Variants in NXPH1 observed in about 807,000 individuals in gnomAD.
NXPH1 encodes neurexophilin 1.
NXPH1 carries 5 observed loss-of-function variants against 23.7 expected under a neutral mutation model. That is an observed-to-expected ratio of 0.21 (90% CI 0.11 to 0.44). The LOEUF is 0.44. Among genes scored for constraint, NXPH1 ranks in the 20% least tolerant of loss-of-function variants. The pLI, the probability that NXPH1 is intolerant of heterozygous loss-of-function variation, is 0.99. For missense variants in NXPH1, 324 were observed against 321.6 expected (o/e 1.01, Z -0.06); for synonymous variants, 144 against 122.2 (o/e 1.18, Z -1.18).
chr7:8,531,134 T>C (rs1817942947), intron 2 of NXPH1, among the ~76,000 whole-genome samples: 1 of 152,188 alleles, frequency 6.6e-6, no homozygotes, highest in African/African-American at 2.4e-5. Context: ...CAAGTGGAGA[T>C]AATAATATCT....
Position 8,663,146 on chromosome 7 carries a change from G to A in NXPH1, c.55-87862G>A, listed in dbSNP as rs535044656. The stretch of plus-strand genomic sequence containing the variant: ...GCTCTGGGCTTAAAATTGAGATATT[G>A]GAGTCATTTAGTATACATGGAGTCA... On this transcript the variant is annotated intron_variant, in intron 2 of 2. Coordinates refer to ENST00000405863, the MANE Select transcript of NXPH1 (RefSeq NM_152745.3). Among the ~76,000 whole-genome samples the A allele has an allele frequency of 2.0e-5, 3 of 152,056 alleles. No individual in the cohort carries two copies. In the South Asian group the frequency reaches 6.2e-4, roughly 32 times the overall value.
intron 2 of NXPH1, among the ~76,000 whole-genome samples, chr7:8,457,734 C>G (rs966078031): frequency 6.6e-6 from 1 of 152,012 alleles, no homozygotes; most frequent in Non-Finnish European, 1.5e-5. Context: ...GCATACTTAT[C>G]CCTTGCTTCT....
chr7:8,681,873 G>C (rs1025919959), intron 2 of NXPH1, among the ~76,000 whole-genome samples: 1 of 152,138 alleles, frequency 6.6e-6, no homozygotes, highest in Non-Finnish European at 1.5e-5. Flanking sequence ...GTAGAAACTT[G>C]TCCAGCCCAT....
In NXPH1 at chr7:8,473,308, A is replaced by G. The variant is rs74319288; in HGVS notation, c.54+37541A>G. Among the ~76,000 whole-genome samples, 1,205 of 152,242 alleles carry G rather than the reference A, an allele frequency of 7.9e-3. 16 individuals carry two copies. The highest frequency in any genetic ancestry group is 0.027 in the African/African-American group (1,140 of 41,556). ...TGTATTATCTAAGTTAGTTGTTTCAATGCATTACACCCAGGCTATGTTATC... is the reference window on the plus strand; with the variant it reads ...TGTATTATCTAAGTTAGTTGTTTCAGTGCATTACACCCAGGCTATGTTATC... On this transcript the variant is annotated intron_variant, in intron 2 of 2. Transcript: ENST00000405863.
chr7:8,586,858 C>T (rs1468118443), intron 2 of NXPH1, among the ~76,000 whole-genome samples: 1 of 151,892 alleles, frequency 6.6e-6, no homozygotes, highest in Non-Finnish European at 1.5e-5. Flanking sequence ...AATTTTAATG[C>T]ATCAGACTAT....
At chr7:8,443,899 C>T (rs1348293295) in intron 2 of NXPH1, among the ~76,000 whole-genome samples, 1 of 152,128 alleles carries the variant, frequency 6.6e-6, no homozygotes, top group Non-Finnish European at 1.5e-5. Flanking sequence ...CACTCATTCT[C>T]ACACAACGTT....
chr7:8,732,610 G>A (rs76494512), intron 2 of NXPH1, among the ~76,000 whole-genome samples: 1,576 of 152,188 alleles, frequency 0.01, 27 homozygotes, highest in African/African-American at 0.036. Context: ...GTCTGTTTTA[G>A]CAAAGAAATA....
At chr7:8,710,131 A>G (rs548047536) in intron 2 of NXPH1, among the ~76,000 whole-genome samples, 53 of 152,336 alleles carry the variant, frequency 3.5e-4, no homozygotes, top group African/African-American at 1.3e-3. Flanking sequence ...CTTAAGCATC[A>G]GAATTGGTTT....
intron 2 of NXPH1, among the ~76,000 whole-genome samples, chr7:8,728,754 A>G (rs1233293898): frequency 6.6e-6 from 1 of 152,174 alleles, no homozygotes; most frequent in Non-Finnish European, 1.5e-5. Context: ...TATTTTATTG[A>G]GGATTTTTGC....
At chr7:8,569,103 A>G (rs1408058548) in intron 2 of NXPH1, among the ~76,000 whole-genome samples, 2 of 151,884 alleles carry the variant, frequency 1.3e-5, no homozygotes, top group African/African-American at 2.4e-5. Context: ...CATCACATCA[A>G]TCTACTAATT....
chr7:8,713,436 T>C (rs1388715627), intron 2 of NXPH1, among the ~76,000 whole-genome samples: 10 of 152,238 alleles, frequency 6.6e-5, no homozygotes, highest in African/African-American at 2.2e-4. Flanking sequence ...TCTGTCTTTC[T>C]GGATTGCTCC....
intron 2 of NXPH1, among the ~76,000 whole-genome samples, chr7:8,736,112 T>C (rs1780250108): frequency 6.6e-6 from 1 of 152,196 alleles, no homozygotes; most frequent in East Asian, 1.9e-4. Flanking sequence ...GAAGGATTTT[T>C]TGTGTCTCTA....
chr7:8,482,966 A>G (rs1426463279), intron 2 of NXPH1, among the ~76,000 whole-genome samples: 3 of 152,230 alleles, frequency 2.0e-5, no homozygotes, highest in Non-Finnish European at 4.4e-5. Flanking sequence ...TTCTCTAAAT[A>G]CATTACATTT....
intron 2 of NXPH1, among the ~76,000 whole-genome samples, chr7:8,639,790 C>A (rs914380900): frequency 2.0e-5 from 3 of 152,102 alleles, no homozygotes; most frequent in African/African-American, 7.2e-5. Context: ...TCAGGGGTTT[C>A]CACTTTCACT....
chr7:8,512,188 AT>A (rs1181230282), intron 2 of NXPH1, among the ~76,000 whole-genome samples: 4 of 152,120 alleles, frequency 2.6e-5, no homozygotes, highest in Admixed American at 2.6e-4. Flanking sequence ...GAACTTAGCA[AT>A]TTTGCCTGTA....
chr7:8,564,237 C>A lies in NXPH1; in HGVS notation c.54+128470C>A, dbSNP rs79267490. Among the ~76,000 whole-genome samples the A allele has an allele frequency of 5.5e-3, 831 of 151,836 alleles. 8 individuals carry two copies. The highest frequency in any genetic ancestry group is 0.019 in the African/African-American group (789 of 41,474). ...TGTTTGCCATCCTAGCCTCCTATAG[C>A]AAAACAGATTCAAGCCAATTGCAAA... On this transcript the variant is annotated intron_variant, in intron 2 of 2. Coordinates refer to ENST00000405863, the MANE Select transcript of NXPH1 (RefSeq NM_152745.3).
intron 2 of NXPH1, among the ~76,000 whole-genome samples, chr7:8,530,371 T>C (rs1162878286): frequency 1.3e-5 from 2 of 152,194 alleles, no homozygotes; most frequent in East Asian, 3.9e-4. Flanking sequence ...AAAATCTAGA[T>C]TGGTTCTAGG....
chr7:8,688,669 G>A (rs1418389485), intron 2 of NXPH1, among the ~76,000 whole-genome samples: 2 of 152,198 alleles, frequency 1.3e-5, no homozygotes, highest in African/African-American at 2.4e-5. Flanking sequence ...CACTTATAAG[G>A]CTTTGGCACT....
chr7:8,585,994 A>T (rs1372568184), intron 2 of NXPH1, among the ~76,000 whole-genome samples: 2 of 152,216 alleles, frequency 1.3e-5, no homozygotes, highest in African/African-American at 4.8e-5. Context: ...TAGAAAGCTC[A>T]GTGTGGAACA....
Sources: gnomAD v4.1 joint callset for allele counts (sites outside exome capture counted in the v4.1 genomes callset) on GRCh38, gnomAD v4.1.1 for gene constraint, MANE v1.5 for transcripts, NCBI Gene and HGNC (gene_info 2026-07-23, HGNC 2026-07-21) for gene names.